The following TYW1 variants were observed in gnomAD, a reference collection of about 807,000 sequenced individuals.
TYW1 encodes the protein S-adenosyl-L-methionine-dependent tRNA 4-demethylwyosine synthase TYW1.
TYW1 carries 46 observed loss-of-function variants against 96.2 expected under a neutral mutation model. The ratio of observed to expected loss-of-function variants is 0.48; its 90% CI spans 0.38 to 0.61. The LOEUF is 0.61. Ranked by LOEUF, TYW1 falls within the 20% of genes least tolerant of loss-of-function variation. The pLI is 0.00. For missense variants in TYW1, 684 were observed against 909.6 expected, an observed-to-expected ratio of 0.75 and a Z score of 3.19; for synonymous variants, 274 against 323.0, an observed-to-expected ratio of 0.85 and a Z score of 1.63.
chr7:67,021,960 G>A (rs1029709190), intron 6 of TYW1, among the ~76,000 whole-genome samples: 1 of 152,220 alleles, frequency 6.6e-6, no homozygotes, highest in South Asian at 2.1e-4. Flanking sequence ...TGTTCCCCAG[G>A]CTGGAGTGCA....
intron 12 of TYW1, among the ~76,000 whole-genome samples, chr7:67,107,228 T>C (rs1313648554): frequency 1.3e-5 from 2 of 152,228 alleles, no homozygotes; most frequent in African/African-American, 2.4e-5. Flanking sequence ...ATTCTTTTAA[T>C]AGAAGTTTCT....
intron 3 of TYW1, among the ~76,000 whole-genome samples, chr7:67,007,496 C>G (rs1253994715): frequency 6.6e-6 from 1 of 152,146 alleles, no homozygotes; most frequent in Non-Finnish European, 1.5e-5. Context: ...GGACCCACCC[C>G]CATGACCCAA....
chr7:67,050,774 C>A (rs1795328742), intron 8 of TYW1, among the ~76,000 whole-genome samples: 1 of 151,846 alleles, frequency 6.6e-6, no homozygotes. Flanking sequence ...TTTGATTTCC[C>A]TTTTCCTGTT....
chr7:67,101,987 T>G (rs1797100757), intron 12 of TYW1, among the ~76,000 whole-genome samples: 1 of 152,248 alleles, frequency 6.6e-6, no homozygotes, highest in Non-Finnish European at 1.5e-5. Flanking sequence ...ATTTCTGTTT[T>G]TAAACTTTAG....
intron 8 of TYW1, among the ~76,000 whole-genome samples, chr7:67,051,227 A>G (rs1456408981): frequency 1.3e-5 from 2 of 152,222 alleles, no homozygotes; most frequent in Non-Finnish European, 2.9e-5. Flanking sequence ...ATCTCACTCA[A>G]TGTGTAGAAG....
chr7:67,070,144 C>T (rs1432663899), intron 10 of TYW1, among the ~76,000 whole-genome samples: 9 of 152,248 alleles, frequency 5.9e-5, no homozygotes, highest in South Asian at 4.1e-4. Flanking sequence ...CCTTCTCTCT[C>T]GCTTCTTTCA....
At chr7:67,158,866 C>T (rs997945896) in intron 13 of TYW1, among the ~76,000 whole-genome samples, 3 of 152,132 alleles carry the variant, frequency 2.0e-5, no homozygotes, top group African/African-American at 4.8e-5. Context: ...CCACTGCACC[C>T]GCCCTCTTTT....
intron 9 of TYW1, among the ~76,000 whole-genome samples, chr7:67,060,285 AG>A (rs1298197048): frequency 6.6e-6 from 1 of 152,190 alleles, no homozygotes; most frequent in Non-Finnish European, 1.5e-5. Flanking sequence ...CACGTTGGCC[AG>A]GCTGGTCTTG....
At chr7:67,189,274 C>T (rs1477325221) in intron 14 of TYW1, among the ~76,000 whole-genome samples, 7 of 151,804 alleles carry the variant, frequency 4.6e-5, no homozygotes, top group African/African-American at 7.3e-5. Context: ...TTCTCCCTGA[C>T]GTGTGAGTGT....
chr7:67,100,497 A>G (rs1402695106), intron 12 of TYW1, among the ~76,000 whole-genome samples: 1 of 151,632 alleles, frequency 6.6e-6, no homozygotes, highest in Non-Finnish European at 1.5e-5. Context: ...AAAAAAAAAG[A>G]TCTTTTTGAA....
chr7:67,021,072 A>G (rs1334391023), intron 6 of TYW1, among the ~76,000 whole-genome samples: 1 of 152,280 alleles, frequency 6.6e-6, no homozygotes. Context: ...TTGAATATCC[A>G]ACTTTGTGCT....
chr7:67,011,480 C>A (rs1793792635), intron 4 of TYW1, among the ~76,000 whole-genome samples: 1 of 152,258 alleles, frequency 6.6e-6, no homozygotes, highest in African/African-American at 2.4e-5. Flanking sequence ...GCATCAGCAT[C>A]TCCTGTGAAC....
chr7:67,182,337 A>T (rs946009987), intron 13 of TYW1, among the ~76,000 whole-genome samples: 3 of 152,086 alleles, frequency 2.0e-5, no homozygotes, highest in Admixed American at 6.6e-5. Context: ...CTCAGGCATG[A>T]GGGTCACTTA....
At chr7:67,073,975 G>T (rs968802421) in intron 10 of TYW1, among the ~76,000 whole-genome samples, 1 of 150,610 alleles carries the variant, frequency 6.6e-6, no homozygotes, top group African/African-American at 2.4e-5. Flanking sequence ...CCAGCTACTC[G>T]GGAGGCTGAG....
chr7:67,095,698 A>G (rs200598373), intron 11 of TYW1, among the ~76,000 whole-genome samples: 16,979 of 101,870 alleles, frequency 0.17, 1,028 homozygotes, highest in Middle Eastern at 0.25. Context: ...AACAACAACA[A>G]CAGCAGCAGC....
In TYW1 at chr7:67,007,367, A is replaced by G. The variant is rs560127866; in HGVS notation, c.274-2216A>G. ...GACTGTAGAGTGTACCTTCCCATCA[A>G]TAAATCTGTGTTTTTGTTGCTTCGC... is the stretch of plus-strand genomic sequence containing the variant. On this transcript the variant is annotated intron_variant, in intron 3 of 15. Coordinates refer to ENST00000359626, the MANE Select transcript of TYW1 (RefSeq NM_018264.4). Among the ~76,000 whole-genome samples the G allele has an allele frequency of 2.6e-5, 4 of 152,198 alleles. No homozygotes were observed. The South Asian group carries it at 6.2e-4, about 24-fold the overall frequency.
chr7:67,204,540 TTCC>T (rs766641871), intron 15 of TYW1, among the ~76,000 whole-genome samples: 14 of 143,840 alleles, frequency 9.7e-5, no homozygotes, highest in African/African-American at 3.8e-4. Context: ...CCTCTTCCTC[TTCC>T]TCTTCTTCTT....
intron 15 of TYW1, among the ~76,000 whole-genome samples, chr7:67,222,320 CT>C (rs1386160887): frequency 2.6e-5 from 4 of 152,188 alleles, no homozygotes; most frequent in Non-Finnish European, 5.9e-5. Context: ...CTTCAAATTA[CT>C]GTCTAGTGCC....
At chr7:67,213,375 G>A (rs1191825719) in intron 15 of TYW1, among the ~76,000 whole-genome samples, 5 of 152,134 alleles carry the variant, frequency 3.3e-5, no homozygotes, top group African/African-American at 7.2e-5. Context: ...GCCTAGGCTG[G>A]TAGTTGGTTA....
Sources: gnomAD v4.1 joint callset for allele counts (sites outside exome capture counted in the v4.1 genomes callset) on GRCh38, gnomAD v4.1.1 for gene constraint, MANE v1.5 for transcripts, NCBI Gene and HGNC (gene_info 2026-07-23, HGNC 2026-07-21) for gene names.